The following VAPB variants were observed in gnomAD, a reference collection of about 807,000 sequenced individuals.
VAPB encodes vesicle-associated membrane protein-associated protein B/C.
In VAPB, 7 loss-of-function variants were observed where a neutral mutation model predicts 25.6. The ratio of observed to expected loss-of-function variants is 0.27; its 90% confidence interval spans 0.16 to 0.51. VAPB has a LOEUF of 0.51. VAPB is among the 20% of genes least tolerant of loss of function. The pLI, the probability that VAPB is intolerant of heterozygous loss-of-function variation, is 0.97. For missense variants in VAPB, 266 were observed against 301.3 expected (o/e 0.88, Z 0.87); for synonymous variants, 112 against 109.2 (o/e 1.03, Z -0.16).
chr20:58,400,321 TAGAA>T (rs534809942), intron 1 of VAPB, among the ~76,000 whole-genome samples: 17 of 152,310 alleles, frequency 1.1e-4, no homozygotes, highest in African/African-American at 2.2e-4. Flanking sequence ...AGAAGAGAGA[TAGAA>T]AGCCCCTTGA....
chr20:58,412,654 G>T (rs997115516), intron 1 of VAPB, among the ~76,000 whole-genome samples: 1 of 151,584 alleles, frequency 6.6e-6, no homozygotes. Flanking sequence ...AGGATGTTAT[G>T]CTATGCTTGA....
intron 1 of VAPB, among the ~76,000 whole-genome samples, chr20:58,408,628 T>TA (rs59367989): frequency 0.34 from 51,611 of 151,146 alleles, 9,044 homozygotes; most frequent in African/African-American, 0.35. Context: ...GGGGCAACTT[T>TA]AAAAAAAAAC....
At chr20:58,418,879 T>C (rs1568709594) in intron 2 of VAPB, among the ~76,000 whole-genome samples, 1 of 152,174 alleles carries the variant, frequency 6.6e-6, no homozygotes, top group Non-Finnish European at 1.5e-5. Flanking sequence ...CAAATTGGAA[T>C]ATACTCAAGG....
chr20:58,403,469 T>A (rs1283835153), intron 1 of VAPB, among the ~76,000 whole-genome samples: 1 of 152,206 alleles, frequency 6.6e-6, no homozygotes, highest in Non-Finnish European at 1.5e-5. Flanking sequence ...AAGCGGTGAA[T>A]CTCAGTTTCT....
At position 58,449,389 on chromosome 20, in the gene VAPB, G is replaced by C. The variant is rs1308654367; in HGVS notation, c.*5154G>C. On this transcript the variant is annotated 3_prime_UTR_variant, in exon 6 of 6. Transcript: ENST00000475243. The stretch of plus-strand genomic sequence containing the variant: ...AAACAGTTATGGATGATAGTTAAAA[G>C]AGAAACGGGTGGAGGTGGATGAGAG... 2.2e-6 allele frequency: 1 copy of C among 453,704 alleles called. No individual in the cohort carries two copies. The highest frequency in any genetic ancestry group is 4.4e-6 in the Non-Finnish European group (1 of 226,740). The allele number at this position is 453,704 out of a possible 1,614,324, so 28.1% of individuals were successfully genotyped here. A position where few individuals can be genotyped will look rare whatever the true frequency, so the allele number is the denominator to read the frequency against.
chr20:58,430,462 C>A (rs964666141), intron 2 of VAPB, among the ~76,000 whole-genome samples: 1 of 152,090 alleles, frequency 6.6e-6, no homozygotes, highest in African/African-American at 2.4e-5. Context: ...GGTTTTGCCT[C>A]TTGGCCAGGC....
chr20:58,418,885 C>T (rs1443807328), intron 2 of VAPB, among the ~76,000 whole-genome samples: 1 of 152,130 alleles, frequency 6.6e-6, no homozygotes, highest in African/African-American at 2.4e-5. Flanking sequence ...GGAATATACT[C>T]AAGGGTGTCA....
intron 2 of VAPB, among the ~76,000 whole-genome samples, chr20:58,418,792 A>T (rs1988606752): frequency 6.6e-6 from 1 of 152,208 alleles, no homozygotes; most frequent in Admixed American, 6.5e-5. Context: ...GATTTCTGAC[A>T]TTAAGCTCAT....
chr20:58,413,123 G>T (rs572656904), intron 1 of VAPB, among the ~76,000 whole-genome samples: 4 of 141,764 alleles, frequency 2.8e-5, no homozygotes, highest in African/African-American at 1.0e-4. Context: ...GTTTTTGCTG[G>T]TATTGTATTT....
chr20:58,414,269 G>T (rs1250472463), intron 1 of VAPB, among the ~76,000 whole-genome samples: 2 of 145,418 alleles, frequency 1.4e-5, no homozygotes, highest in Admixed American at 6.7e-5. Context: ...GGCGGGGCGT[G>T]GGGCTGACCC....
chr20:58,404,590 A>G (rs1023026109), intron 1 of VAPB, among the ~76,000 whole-genome samples: 2 of 152,202 alleles, frequency 1.3e-5, no homozygotes, highest in African/African-American at 4.8e-5. Context: ...TCTGAAAGTC[A>G]TGTGTCCTTC....
intron 1 of VAPB, among the ~76,000 whole-genome samples, chr20:58,409,685 CTT>C (rs967791023): frequency 2.0e-5 from 3 of 151,974 alleles, no homozygotes; most frequent in Admixed American, 2.0e-4. Context: ...AAGCTAATAA[CTT>C]TAAACTTGTA....
intron 1 of VAPB, among the ~76,000 whole-genome samples, chr20:58,414,283 C>T (rs1321790839): frequency 6.8e-5 from 10 of 146,560 alleles, no homozygotes; most frequent in Admixed American, 2.7e-4. Context: ...CTGACCCCCC[C>T]ACCTCCCTCC....
chr20:58,411,472 G>A (rs56273012), intron 1 of VAPB, among the ~76,000 whole-genome samples: 16,700 of 152,056 alleles, frequency 0.11, 1,044 homozygotes, highest in Middle Eastern at 0.17. Context: ...AGTAGAGACA[G>A]GGTTTCACCA....
At chr20:58,397,618 T>A (rs904136177) in intron 1 of VAPB, among the ~76,000 whole-genome samples, 2 of 152,124 alleles carry the variant, frequency 1.3e-5, no homozygotes, top group African/African-American at 4.8e-5. Flanking sequence ...TGGTAGAGAT[T>A]TCATAGGCTT....
rs1176513889 is a variant in VAPB at position 58,446,986 on chromosome 20, G to A, written c.*2751G>A. 4.4e-6 allele frequency: 2 copies of A among 454,124 alleles called. No individual in the cohort carries two copies. Among genetic ancestry groups the A allele is most frequent in the Non-Finnish European group, 8.8e-6 (2 of 226,792 alleles). 28.1% of individuals were successfully genotyped at this position (454,124 alleles called of 1,614,324 possible). A position where few individuals can be genotyped will look rare whatever the true frequency, so the allele number is the denominator to read the frequency against. ...CTGCCCTGCCCCAAGAGGGTTAAGA[G>A]TCAGATAATCGGGACGAAACTGGCA... is the stretch of plus-strand genomic sequence containing the variant. On this transcript the variant is annotated 3_prime_UTR_variant, in exon 6 of 6. Coordinates refer to ENST00000475243, the MANE Select transcript of VAPB (RefSeq NM_004738.5).
At chr20:58,410,668 G>C (rs1412135661) in intron 1 of VAPB, among the ~76,000 whole-genome samples, 1 of 149,728 alleles carries the variant, frequency 6.7e-6, no homozygotes, top group Non-Finnish European at 1.5e-5. Context: ...CCGCCCCCCC[G>C]CCCCACTCAG....
At chr20:58,439,407 T>A (rs1043733559) in intron 4 of VAPB, 2 of 258,260 alleles carry the variant, frequency 7.7e-6, no homozygotes, top group African/African-American at 2.2e-5. Flanking sequence ...TCAAGTTCTC[T>A]TGTTTTACAA....
At chr20:58,408,930 A>G (rs919184261) in intron 1 of VAPB, among the ~76,000 whole-genome samples, 1 of 129,260 alleles carries the variant, frequency 7.7e-6, no homozygotes, top group Non-Finnish European at 1.6e-5. Context: ...ATGTGGAAAC[A>G]GGAAAGGAAC....
Sources: gnomAD v4.1 joint callset for allele counts (sites outside exome capture counted in the v4.1 genomes callset) on GRCh38, gnomAD v4.1.1 for gene constraint, MANE v1.5 for transcripts, NCBI Gene and HGNC (gene_info 2026-07-23, HGNC 2026-07-21) for gene names.